The following PTN variants were observed in gnomAD, a reference collection of about 807,000 sequenced individuals.
PTN encodes the protein pleiotrophin.
A neutral mutation model predicts 24.1 loss-of-function variants in PTN; 18 were observed. The observed-to-expected ratio is 0.75, with a 90% CI of 0.52 to 1.11. PTN has a LOEUF of 1.11. PTN is among the 50% of genes least tolerant of loss of function. The pLI is 0.00. For synonymous variants in PTN, 78 were observed against 68.6 expected, an observed-to-expected ratio of 1.14 and a Z score of -0.67; for missense variants, 163 against 198.8, an observed-to-expected ratio of 0.82 and a Z score of 1.08.
At chr7:137,282,223 C>T (rs1809484924) in intron 1 of PTN, among the ~76,000 whole-genome samples, 1 of 152,176 alleles carries the variant, frequency 6.6e-6, no homozygotes, top group African/African-American at 2.4e-5. Context: ...AGAGAGCTAT[C>T]ACTTTTGTTT....
chr7:137,239,374 TTTTATTTA>T (rs60204827), intron 4 of PTN, among the ~76,000 whole-genome samples: 3,649 of 147,812 alleles, frequency 0.025, 138 homozygotes, highest in African/African-American at 0.075. Flanking sequence ...TAATTTTCTT[TTTTATTTA>T]TTTATTTATT....
intron 1 of PTN, among the ~76,000 whole-genome samples, chr7:137,280,691 T>TAACAAAAAAAAAAAAAAAAAAAAA (rs760779128): frequency 6.8e-4 from 10 of 14,750 alleles, no homozygotes; most frequent in African/African-American, 1.4e-3. Context: ...CCGTCTCTAC[T>TAACAAAAAAAAAAAAAAAAAAAAA]AAAAATACAA....
intron 4 of PTN, among the ~76,000 whole-genome samples, chr7:137,229,127 A>C (rs904857814): frequency 6.6e-6 from 1 of 151,876 alleles, no homozygotes; most frequent in African/African-American, 2.4e-5. Context: ...ATCCAAATTA[A>C]ACCTGTTCTA....
At chr7:137,268,594 C>T (rs1190308878) in intron 1 of PTN, among the ~76,000 whole-genome samples, 1 of 152,110 alleles carries the variant, frequency 6.6e-6, no homozygotes, top group Admixed American at 6.5e-5. Context: ...CAGAACAGAA[C>T]GGGAGGTTTC....
chr7:137,278,342 CT>C (rs1809405742), intron 1 of PTN, among the ~76,000 whole-genome samples: 1 of 113,104 alleles, frequency 8.8e-6, no homozygotes, highest in Admixed American at 8.5e-5. Context: ...AAAAAAATGA[CT>C]ACTAATCAAA....
chr7:137,307,599 C>A (rs550675077), intron 1 of PTN, among the ~76,000 whole-genome samples: 8 of 151,126 alleles, frequency 5.3e-5, no homozygotes, highest in African/African-American at 1.9e-4. Flanking sequence ...ATGTCTATGA[C>A]TATATATATA....
chr7:137,319,865 A>G (rs1056981595), intron 1 of PTN, among the ~76,000 whole-genome samples: 1 of 152,180 alleles, frequency 6.6e-6, no homozygotes, highest in African/African-American at 2.4e-5. Context: ...CTTATAGTGT[A>G]ACATCCAAGG....
At chr7:137,248,611 C>T (rs766738402) in intron 4 of PTN, among the ~76,000 whole-genome samples, 82 of 152,218 alleles carry the variant, frequency 5.4e-4, no homozygotes, top group Non-Finnish European at 8.5e-4. Flanking sequence ...ACCCAGGAGG[C>T]GGAGTTTGCA....
chr7:137,263,876 G>T (rs1809087166), intron 1 of PTN, among the ~76,000 whole-genome samples: 1 of 152,102 alleles, frequency 6.6e-6, no homozygotes, highest in Admixed American at 6.6e-5. Flanking sequence ...GGGATTCTGG[G>T]TGGGCTTAAA....
chr7:137,247,318 C>G (rs183644203), intron 4 of PTN, among the ~76,000 whole-genome samples: 31 of 152,202 alleles, frequency 2.0e-4, no homozygotes, highest in Non-Finnish European at 3.7e-4. Context: ...ATATACATAA[C>G]GGAGTACAAT....
At chr7:137,277,922 G>C (rs1488108437) in intron 1 of PTN, among the ~76,000 whole-genome samples, 4 of 148,776 alleles carry the variant, frequency 2.7e-5, no homozygotes, top group African/African-American at 1.0e-4. Flanking sequence ...TAGATAGATA[G>C]ATAGATAGAT....
chr7:137,278,200 G>T (rs376640805), intron 1 of PTN, among the ~76,000 whole-genome samples: 7 of 148,428 alleles, frequency 4.7e-5, no homozygotes, highest in East Asian at 2.0e-4. Flanking sequence ...CCAGCTACTC[G>T]GGAGGCTGAG....
intron 4 of PTN, among the ~76,000 whole-genome samples, chr7:137,245,982 C>A (rs1021531265): frequency 6.6e-6 from 1 of 152,110 alleles, no homozygotes; most frequent in Non-Finnish European, 1.5e-5. Flanking sequence ...AGCTAAGGTT[C>A]ATTTACTGTT....
At chr7:137,231,405 C>A (rs987041577) in intron 4 of PTN, among the ~76,000 whole-genome samples, 1 of 151,904 alleles carries the variant, frequency 6.6e-6, no homozygotes, top group South Asian at 2.1e-4. Context: ...ATCTTAGCCT[C>A]AACTGCATTT....
intron 1 of PTN, chr7:137,326,852 A>C (rs1001137471): frequency 7.9e-5 from 12 of 152,138 alleles, no homozygotes; most frequent in African/African-American, 2.7e-4. Flanking sequence ...CCTATTCAAA[A>C]ACAGGGACTG....
At chr7:137,260,418 T>C (rs879632589) in intron 1 of PTN, among the ~76,000 whole-genome samples, 1 of 152,154 alleles carries the variant, frequency 6.6e-6, no homozygotes, top group Non-Finnish European at 1.5e-5. Flanking sequence ...CCAATGACAG[T>C]CTCATCCCTC....
chr7:137,332,043 C>A (rs1001561095), intron 1 of PTN, among the ~76,000 whole-genome samples: 1 of 152,180 alleles, frequency 6.6e-6, no homozygotes, highest in African/African-American at 2.4e-5. Flanking sequence ...TTTACCCATA[C>A]CGAGCTAAAT....
intron 1 of PTN, among the ~76,000 whole-genome samples, chr7:137,284,687 T>C (rs1809526749): frequency 6.6e-6 from 1 of 152,188 alleles, no homozygotes; most frequent in Admixed American, 6.5e-5. Context: ...ATGAGGTACA[T>C]ACACTGTTAG....
At chr7:137,255,908 G>T (rs10237801) in intron 1 of PTN, among the ~76,000 whole-genome samples, 1 of 152,296 alleles carries the variant, frequency 6.6e-6, no homozygotes, top group East Asian at 1.9e-4. Flanking sequence ...CATCTGCTGT[G>T]TTAGTGGTGT....
Sources: allele counts gnomAD v4.1 joint callset (sites outside exome capture counted in the v4.1 genomes callset), GRCh38; gene constraint gnomAD v4.1.1; transcripts MANE v1.5; gene names NCBI Gene and HGNC (gene_info 2026-07-23, HGNC 2026-07-21).